RAB36: variants seen among roughly 807,000 people sequenced by gnomAD.
RAB36 encodes the protein ras-related protein Rab-36.
A neutral mutation model predicts 39.3 loss-of-function variants in RAB36; 33 were observed. That is an observed-to-expected ratio of 0.84 (90% CI 0.64 to 1.12). RAB36 has a LOEUF of 1.12. Among genes scored for constraint, RAB36 ranks in the 50% most tolerant of loss-of-function variants. The pLI is 0.00. For synonymous variants in RAB36, 133 were observed against 140.2 expected (o/e 0.95, Z 0.36); for missense variants, 308 against 355.3 (o/e 0.87, Z 1.07).
Position 23,153,154 on chromosome 22 carries a change from A to T in RAB36, c.329+20A>T, listed in dbSNP as rs750882908. 6.3e-7 allele frequency: 1 copy of T among 1,594,348 alleles called. No homozygotes were observed. Among genetic ancestry groups the T allele is most frequent in the Admixed American group, 1.7e-5 (1 of 59,912 alleles). On this transcript the variant is annotated intron_variant, in intron 5 of 10. Coordinates refer to ENST00000263116, the MANE Select transcript of RAB36 (RefSeq NM_004914.5). ...CCAGATGTAAGTTGCTGGTTCCCCCATGGCTCGTGGGCAGCTTCCTACAGG... is the reference window on the plus strand; with the variant it reads ...CCAGATGTAAGTTGCTGGTTCCCCCTTGGCTCGTGGGCAGCTTCCTACAGG...
chr22:23,147,679 G>T (rs1381222514), intron 2 of RAB36, among the ~76,000 whole-genome samples: 5 of 152,090 alleles, frequency 3.3e-5, no homozygotes, highest in African/African-American at 1.2e-4. Flanking sequence ...TTCTGGCATG[G>T]GTTTACAATG....
chr22:23,157,185 C>T (rs1047338733), intron 6 of RAB36, among the ~76,000 whole-genome samples: 8 of 152,080 alleles, frequency 5.3e-5, no homozygotes, highest in African/African-American at 1.9e-4. Flanking sequence ...TTCGCTAAAG[C>T]AGGTTGTTGC....
chr22:23,153,979 G>A (rs1451083166), intron 5 of RAB36, among the ~76,000 whole-genome samples: 4 of 151,926 alleles, frequency 2.6e-5, no homozygotes, highest in Non-Finnish European at 4.4e-5. Flanking sequence ...GTGAGCCACC[G>A]TACCCGGCCC....
intron 9 of RAB36, among the ~76,000 whole-genome samples, chr22:23,160,520 A>G (rs1394472635): frequency 6.6e-6 from 1 of 152,246 alleles, no homozygotes; most frequent in Non-Finnish European, 1.5e-5. Flanking sequence ...GGGCAGGCAC[A>G]TATCTGTCCT....
Position 23,152,490 on chromosome 22 carries a change from G to A in RAB36, c.191G>A (p.Gly64Asp), listed in dbSNP as rs758725405. 6.2e-7 allele frequency: 1 copy of A among 1,614,176 alleles called. No individual in the cohort carries two copies. The highest frequency in any genetic ancestry group is 8.5e-7 in the Non-Finnish European group (1 of 1,180,022). The change falls in exon 4 of 11, where the codon GGC becomes GAC. Residue 64 changes from glycine to aspartate, a missense_variant. Physicochemically the swap from Gly to Asp is moderately conservative, Grantham distance 94 (BLOSUM62 -1). Transcript: ENST00000263116. ...GLKLSKVVVV[G>D]DLYVGKTSLI... ...AAACTCTCCAAGGTGGTGGTGGTTG[G>A]CGATCTCTACGTGGGGAAGACCAGC...
chr22:23,147,421 C>T (rs552311987), intron 2 of RAB36, among the ~76,000 whole-genome samples: 1 of 152,210 alleles, frequency 6.6e-6, no homozygotes, highest in South Asian at 2.1e-4. Context: ...CCTCTAACTC[C>T]TGGGCTGAAG....
chr22:23,161,896 A>C lies in RAB36; in HGVS notation c.*332A>C, dbSNP rs2071828740. On this transcript the variant is annotated 3_prime_UTR_variant, in exon 11 of 11. Transcript: ENST00000263116. Reference sequence around the variant, plus strand: ...GGCCTCAAGAGGCCTCAGAACTGCAAACTCCTGCGTCGGTCTATACTACTC... The same window carrying C: ...GGCCTCAAGAGGCCTCAGAACTGCACACTCCTGCGTCGGTCTATACTACTC... 3 of 336,218 alleles carry C rather than the reference A, an allele frequency of 8.9e-6. No homozygotes were observed. Among genetic ancestry groups the C allele is most frequent in the Non-Finnish European group, 1.7e-5 (3 of 178,828 alleles). The allele number at this position is 336,218 out of a possible 1,614,324, so 20.8% of individuals were successfully genotyped here. A position where few individuals can be genotyped will look rare whatever the true frequency, so the allele number is the denominator to read the frequency against.
chr22:23,157,165 C>T (rs559198178), intron 6 of RAB36, among the ~76,000 whole-genome samples: 32 of 152,278 alleles, frequency 2.1e-4, no homozygotes, highest in Admixed American at 7.2e-4. Flanking sequence ...CCTGGCTCCC[C>T]GGAAGTTGTT....
At chr22:23,159,134 G>A (rs201985448) in intron 8 of RAB36, 29 bp from the exon 9 acceptor site, 296 of 1,607,608 alleles carry the variant, frequency 1.8e-4, no homozygotes, top group African/African-American at 1.5e-3. Context: ...GAGCCGGGAC[G>A]CTGGGTCAAC....
chr22:23,154,443 T>C (rs963403492), intron 5 of RAB36, among the ~76,000 whole-genome samples: 2 of 152,184 alleles, frequency 1.3e-5, no homozygotes, highest in Non-Finnish European at 2.9e-5. Context: ...TAACAAATCT[T>C]GCCCAAGGGA....
rs781510720 is a variant in RAB36, at chr22:23,158,001, C to T, written c.404C>T (p.Thr135Met). The change falls in exon 7 of 11, where the codon ACG (threonine) becomes ATG (methionine). Residue 135 changes from threonine to methionine, a missense_variant. By Grantham distance (81) the Thr-to-Met change is moderately conservative. Coordinates refer to ENST00000263116, the MANE Select transcript of RAB36 (RefSeq NM_004914.5). The part of the protein sequence containing the change: ...AYYRGAQVII[T>M]AFDLTDVQTL... ...TTTTCCGGGTGTCTAGTGATCATCA[C>T]GGCCTTTGACCTCACTGACGTGCAG... is the stretch of plus-strand genomic sequence containing the variant. The T allele has an allele frequency of 2.7e-5, 44 of 1,614,096 alleles. No homozygotes were observed. Among genetic ancestry groups the T allele is most frequent in the Non-Finnish European group, 3.7e-5 (44 of 1,180,034 alleles).
intron 4 of RAB36, 50 bp downstream of exon 4, chr22:23,152,576 T>G: frequency 6.4e-7 from 1 of 1,566,424 alleles, no homozygotes; most frequent in South Asian, 1.1e-5. Context: ...CACCAGGTTG[T>G]CATACCTTTG....
intron 5 of RAB36, among the ~76,000 whole-genome samples, chr22:23,154,226 A>G (rs950297779): frequency 6.6e-6 from 1 of 151,950 alleles, no homozygotes; most frequent in African/African-American, 2.4e-5. Flanking sequence ...GTGCTCCCCT[A>G]CATGGCTAGC....
At chr22:23,152,346 G>C in intron 3 of RAB36, 115 bp from the exon 4 acceptor site, 1 of 1,063,724 alleles carries the variant, frequency 9.4e-7, no homozygotes, top group Non-Finnish European at 1.5e-6. Flanking sequence ...CCCATCCTGT[G>C]TCCAGGAGTG....
In RAB36 at chr22:23,147,047, T is replaced by TCATG. The variant is rs532846026; in HGVS notation, c.69+363_69+366dup. On this transcript the variant is annotated intron_variant, in intron 2 of 10. Transcript: ENST00000263116. ...ATTCCTCTCATATTGGGTGCCTGGC[T>TCATG]CATGGTATGCAGGAGCTCCCCTGCA... Among the ~76,000 whole-genome samples the TCATG allele has an allele frequency of 1.6e-3, 239 of 152,318 alleles. 1 individual carries two copies. The highest frequency in any genetic ancestry group is 9.3e-3 in the South Asian group (45 of 4,824).
At chr22:23,167,893 C>G (rs115224170), downstream of RAB36, among the ~76,000 whole-genome samples, 3,512 of 152,008 alleles carry the variant, frequency 0.023, 148 homozygotes, top group African/African-American at 0.08. Flanking sequence ...CGCATTGTTA[C>G]CCAGGCTGGA....
chr22:23,153,267 G>A (rs750130092), intron 5 of RAB36, 133 bp downstream of exon 5: 35 of 709,898 alleles, frequency 4.9e-5, no homozygotes, highest in Admixed American at 1.0e-4. Flanking sequence ...GGTGTTGTGT[G>A]ACACTTAGCT....
rs1799931332 is a variant in RAB36 at position 23,162,704 on chromosome 22, C to T, written c.*1140C>T. On this transcript the variant is annotated 3_prime_UTR_variant, in exon 11 of 11. Transcript: ENST00000263116. ...GTCACCTGGCTATGCCCACTCATCC[C>T]ACCCGTCTCGTGCTGTTGCTTCCCG... 1 of 456,202 alleles carries T rather than the reference C, an allele frequency of 2.2e-6. No individual in the cohort carries two copies. Among genetic ancestry groups the T allele is most frequent in the African/African-American group, 2.0e-5 (1 of 50,070 alleles). The allele number at this position is 456,202 out of a possible 1,614,324, so 28.3% of individuals were successfully genotyped here.
In RAB36 at chr22:23,159,189, A is replaced by T; in HGVS notation, c.555A>T (p.Glu185Asp). Residue 185 changes from glutamate (E) to aspartate (D), a missense_variant, in exon 9 of 11, where the codon GAA (glutamate) becomes GAT (aspartate). Physicochemically the swap from Glu to Asp is conservative, Grantham distance 45. Transcript: ENST00000263116. ...CAGGGGCCGCATGTGAGCAGGCCGA[A>T]GCAGACGCTGTGCACCTGGCCAGGG... ...LLSGAACEQAEADAVHLAREM... is the reference protein window; with the variant it reads ...LLSGAACEQADADAVHLAREM... 1 of 1,611,196 alleles carries T rather than the reference A, an allele frequency of 6.2e-7. No individual in the cohort carries two copies. Among genetic ancestry groups the T allele is most frequent in the Non-Finnish European group, 8.5e-7 (1 of 1,179,078 alleles).
Sources: gnomAD v4.1 joint callset for allele counts (sites outside exome capture counted in the v4.1 genomes callset) on GRCh38, gnomAD v4.1.1 for gene constraint, MANE v1.5 for transcripts, NCBI Gene and HGNC (gene_info 2026-07-23, HGNC 2026-07-21) for gene names.